SMPD3: variants seen among roughly 807,000 people sequenced by gnomAD.
The protein encoded by SMPD3 is sphingomyelin phosphodiesterase 3.
In SMPD3, 21 loss-of-function variants were observed where a neutral mutation model predicts 55.7. The ratio of observed to expected loss-of-function variants is 0.38; its 90% CI spans 0.27 to 0.54. SMPD3 has a LOEUF of 0.54. Among genes scored for constraint, SMPD3 ranks in the 20% least tolerant of loss-of-function variants. SMPD3 has a pLI of 0.80. For missense variants in SMPD3, 842 were observed against 899.6 expected (o/e 0.94, Z 0.82); for synonymous variants, 457 against 404.3 (o/e 1.13, Z -1.56).
chr16:68,392,111 C>G (rs1018322172), intron 1 of SMPD3, among the ~76,000 whole-genome samples: 1 of 152,210 alleles, frequency 6.6e-6, no homozygotes, highest in Middle Eastern at 3.4e-3. Flanking sequence ...AGGCCGGCCT[C>G]GAAATTCTGA....
intron 1 of SMPD3, among the ~76,000 whole-genome samples, chr16:68,428,054 G>A (rs1047287419): frequency 6.6e-6 from 1 of 151,748 alleles, no homozygotes; most frequent in Middle Eastern, 3.4e-3. Context: ...GACTTCCCAT[G>A]AGCTATGTCC....
rs955409107 is a variant in SMPD3, at chr16:68,371,226, G to T, written c.956C>A (p.Ala319Asp). ...GGCCTTGTACAGGAGCTTGCTGTTGGCACCTGGCTCCCCGCTGGCACTGGT... is the reference window on the plus strand; with the variant it reads ...GGCCTTGTACAGGAGCTTGCTGTTGTCACCTGGCTCCCCGCTGGCACTGGT... The part of the protein sequence containing the change: ...PDTSASGEPG[A>D]NSKLLYKASV... The change falls in exon 3 of 9, where the codon GCC becomes GAC. Residue 319 changes from alanine (A) to aspartate (D), a missense_variant. Ala to Asp is a moderately radical substitution (Grantham distance 126). This residue lies in a region of SMPD3 where 649 missense variants were observed against 643.6 expected (regional missense o/e 1.01). Coordinates refer to ENST00000219334, the MANE Select transcript of SMPD3 (RefSeq NM_018667.4). The T allele has an allele frequency of 6.2e-7, 1 of 1,607,420 alleles. No individual in the cohort carries two copies.
intron 5 of SMPD3, 124 bp from the exon 6 acceptor site, chr16:68,363,990 C>T (rs2089398660): frequency 2.3e-6 from 2 of 872,822 alleles, no homozygotes; most frequent in Admixed American, 5.1e-5. Context: ...AGGCCACTGC[C>T]CCTGGGTGGG....
chr16:68,430,077 G>T (rs984728324), intron 1 of SMPD3, among the ~76,000 whole-genome samples: 1 of 152,150 alleles, frequency 6.6e-6, no homozygotes, highest in African/African-American at 2.4e-5. Flanking sequence ...TTGGAGTGGG[G>T]TTAGGAGCAC....
At chr16:68,435,397 A>G (rs2090514700) in intron 1 of SMPD3, among the ~76,000 whole-genome samples, 1 of 152,310 alleles carries the variant, frequency 6.6e-6, no homozygotes, top group Admixed American at 6.5e-5. Flanking sequence ...TTAACCAGGT[A>G]TTGCTCTAAT....
intron 1 of SMPD3, among the ~76,000 whole-genome samples, chr16:68,426,630 G>C (rs2090438095): frequency 6.6e-6 from 1 of 152,178 alleles, no homozygotes; most frequent in Admixed American, 6.5e-5. Flanking sequence ...AATCAATATG[G>C]TGTGGAAATA....
At position 68,372,174 on chromosome 16, in the gene SMPD3, A is replaced by G; in HGVS notation, c.8T>C (p.Leu3Ser). Residue 3 changes from leucine to serine, a missense_variant, in exon 3 of 9, where the codon TTG becomes TCG. This residue lies in a region of SMPD3 where 193 missense variants were observed against 256.0 expected (regional missense o/e 0.75). Transcript: ENST00000219334. ...GCTGTTAGGAAAGGGGGTCGTGTAC[A>G]AAACCATCGCAGCTCACTGGGCGCC... The part of the protein sequence containing the change: MV[L>S]YTTPFPNSCL... 6.2e-7 allele frequency: 1 copy of G among 1,611,890 alleles called. No homozygotes were observed. The highest frequency in any genetic ancestry group is 8.5e-7 in the Non-Finnish European group (1 of 1,179,318).
rs762345980 is a variant in SMPD3 at position 68,371,768 on chromosome 16, G to A, written c.414C>T (p.Leu138=). The A allele has an allele frequency of 3.0e-5, 49 of 1,610,906 alleles. No individual in the cohort carries two copies. Among genetic ancestry groups the A allele is most frequent in the Non-Finnish European group, 3.9e-5 (46 of 1,178,870 alleles). ...TANVCLLPDS[L]ARVNNLFNTQ... ...TGTTAAAAAGGTTGTTGACCCTGGC[G>A]AGTGAGTCGGGCAGGAGGCAGACGT... Residue 138 remains leucine (L), a synonymous_variant, in exon 3 of 9, where the codon CTC becomes CTT. Transcript: ENST00000219334.
chr16:68,418,376 A>T (rs991452876), intron 1 of SMPD3, among the ~76,000 whole-genome samples: 1 of 152,208 alleles, frequency 6.6e-6, no homozygotes, highest in Non-Finnish European at 1.5e-5. Context: ...TGAAAAAAAA[A>T]AAAAGGTTGT....
intron 7 of SMPD3, among the ~76,000 whole-genome samples, chr16:68,362,786 G>C (rs974766107): frequency 1.3e-5 from 2 of 152,200 alleles, no homozygotes; most frequent in Non-Finnish European, 2.9e-5. Flanking sequence ...ATTAATTCCA[G>C]CATCAATGAT....
chr16:68,440,936 G>A (rs928032357), intron 1 of SMPD3, among the ~76,000 whole-genome samples: 7 of 152,202 alleles, frequency 4.6e-5, no homozygotes, highest in Non-Finnish European at 2.9e-5. Context: ...TTTATTCATT[G>A]TATGCTTATG....
At chr16:68,409,223 C>T (rs1167371075) in intron 1 of SMPD3, among the ~76,000 whole-genome samples, 9 of 152,240 alleles carry the variant, frequency 5.9e-5, no homozygotes, top group Non-Finnish European at 1.2e-4. Context: ...TCATCTTGCT[C>T]GAAACCTTGC....
intron 1 of SMPD3, among the ~76,000 whole-genome samples, chr16:68,390,223 G>T (rs569357107): frequency 1.3e-5 from 2 of 152,230 alleles, no homozygotes; most frequent in African/African-American, 4.8e-5. Flanking sequence ...CATATAATGA[G>T]CAGTGAGGAC....
At chr16:68,418,211 A>G (rs572750274) in intron 1 of SMPD3, among the ~76,000 whole-genome samples, 53 of 152,318 alleles carry the variant, frequency 3.5e-4, no homozygotes, top group East Asian at 7.7e-4. Context: ...TGCAGCTCAC[A>G]GCAGACGGTG....
At chr16:68,405,562 A>G (rs957422328) in intron 1 of SMPD3, among the ~76,000 whole-genome samples, 9 of 151,428 alleles carry the variant, frequency 5.9e-5, no homozygotes, top group Non-Finnish European at 1.3e-4. Context: ...AAAAAAAAAA[A>G]AAAAAGAAAA....
In SMPD3 at chr16:68,372,312, C is replaced by T. The variant is rs756669818; in HGVS notation, c.-131G>A. 19 of 1,231,790 alleles carry T rather than the reference C, an allele frequency of 1.5e-5. No homozygotes were observed. The highest frequency in any genetic ancestry group is 6.0e-5 in the African/African-American group (4 of 66,770). The allele number at this position is 1,231,790 out of a possible 1,614,324, so 76.3% of individuals were successfully genotyped here. On this transcript the variant is annotated 5_prime_UTR_variant, in exon 3 of 9. Coordinates refer to ENST00000219334, the MANE Select transcript of SMPD3 (RefSeq NM_018667.4). The stretch of plus-strand genomic sequence containing the variant: ...GTCACCTCCTGGCGAGATGCAACTC[C>T]GGCTGGTCAATGGCGAATGTTGGCC...
chr16:68,388,544 C>T (rs1282359717), intron 1 of SMPD3, among the ~76,000 whole-genome samples: 1 of 152,168 alleles, frequency 6.6e-6, no homozygotes, highest in African/African-American at 2.4e-5. Flanking sequence ...GAGGAGCTCA[C>T]CTCTCATCCC....
chr16:68,432,123 A>AAAAG (rs1567809877), intron 1 of SMPD3, among the ~76,000 whole-genome samples: 4 of 151,860 alleles, frequency 2.6e-5, no homozygotes, highest in Non-Finnish European at 5.9e-5. Context: ...CGCAAAAAAA[A>AAAAG]AAAAGAAAAG....
chr16:68,370,266 G>A (rs1401482317), intron 3 of SMPD3: 1 of 153,792 alleles, frequency 6.5e-6, no homozygotes, highest in African/African-American at 2.4e-5. Context: ...CATGGCTGGT[G>A]GGCAGACAGC....
Sources: gnomAD v4.1 joint callset for allele counts (sites outside exome capture counted in the v4.1 genomes callset) on GRCh38, gnomAD v4.1.1 for gene constraint, gnomAD v4.1.1 regional missense constraint, MANE v1.5 for transcripts, NCBI Gene and HGNC (gene_info 2026-07-23, HGNC 2026-07-21) for gene names.